Variants in ANKS1B observed in about 807,000 individuals in gnomAD.
ANKS1B encodes the protein ankyrin repeat and sterile alpha motif domain containing 1B.
Under a neutral mutation model 148.3 loss-of-function variants are expected in ANKS1B, and 36 were observed. The ratio of observed to expected loss-of-function variants is 0.24; its 90% CI spans 0.19 to 0.32. The LOEUF (loss-of-function observed/expected upper bound fraction) is 0.32, where lower values mean the gene tolerates loss of function less well. Ranked by LOEUF, ANKS1B falls within the 10% of genes least tolerant of loss-of-function variation. The probability of loss-of-function intolerance (pLI) is 1.00; values close to 1 mark genes in which losing one functional copy is unlikely to be tolerated. For synonymous variants in ANKS1B, 542 were observed against 560.8 expected (o/e 0.97, Z 0.47); for missense variants, 1,157 against 1,542.6 (o/e 0.75, Z 4.19).
In ANKS1B at chr12:99,408,505, T is replaced by C. The variant is rs1417915345; in HGVS notation, c.1576-8694A>G. Reference sequence around the variant, plus strand: ...AAGCAAAAGCGGACAAGTGAGATTATATCAAGCTAAAAACTTCTGCACAGC... The same window carrying C: ...AAGCAAAAGCGGACAAGTGAGATTACATCAAGCTAAAAACTTCTGCACAGC... On this transcript the variant is annotated intron_variant, in intron 11 of 26. Transcript: ENST00000683438. Among the ~76,000 whole-genome samples the C allele has an allele frequency of 2.1e-5, 3 of 145,560 alleles. No individual in the cohort carries two copies. The East Asian group carries it at 5.8e-4, about 28-fold the overall frequency.
Position 99,316,829 on chromosome 12 carries a change from C to T in ANKS1B, c.1757-69965G>A, listed in dbSNP as rs1468282877. Reference sequence around the variant, plus strand: ...TCTAACATTTAAGTCTTTAATCTATCTTGAATTAATTTTTGTATAAGGTGT... The same window carrying T: ...TCTAACATTTAAGTCTTTAATCTATTTTGAATTAATTTTTGTATAAGGTGT... On this transcript the variant is annotated intron_variant, in intron 12 of 26. Transcript: ENST00000683438. 2.0e-5 allele frequency among the ~76,000 whole-genome samples: 3 copies of T among 152,164 alleles called. No homozygotes were observed. The East Asian group carries it at 5.8e-4, about 29-fold the overall frequency.
chr12:98,894,984 T>TGGCGGC (rs1555478774), intron 17 of ANKS1B: 10 of 780,200 alleles, frequency 1.3e-5, no homozygotes, highest in Non-Finnish European at 1.5e-5. Flanking sequence ...GCGCCTGCCC[T>TGGCGGC]GGCGGCAGCG....
intron 24 of ANKS1B, among the ~76,000 whole-genome samples, chr12:98,775,857 G>C (rs926975722): frequency 6.6e-6 from 1 of 152,128 alleles, no homozygotes; most frequent in Non-Finnish European, 1.5e-5. Flanking sequence ...CCTTCTCCCC[G>C]ACTGTGGAAA....
chr12:99,445,084 C>A (rs1377502233), intron 10 of ANKS1B, among the ~76,000 whole-genome samples: 1 of 151,958 alleles, frequency 6.6e-6, no homozygotes, highest in Non-Finnish European at 1.5e-5. Context: ...GCACACTCTT[C>A]TAAGATTTAA....
chr12:98,778,705 TC>T (rs936465511), intron 24 of ANKS1B, among the ~76,000 whole-genome samples: 11 of 152,188 alleles, frequency 7.2e-5, no homozygotes, highest in African/African-American at 2.4e-4. Context: ...GGATCCTCCG[TC>T]CCTTCTGAAG....
chr12:99,183,199 A>C (rs535169330), intron 14 of ANKS1B, among the ~76,000 whole-genome samples: 21 of 152,360 alleles, frequency 1.4e-4, no homozygotes, highest in Non-Finnish European at 2.5e-4. Context: ...GATGACCTTC[A>C]TTCCCTAATG....
chr12:99,374,284 T>C (rs1430030976), intron 12 of ANKS1B, among the ~76,000 whole-genome samples: 1 of 152,188 alleles, frequency 6.6e-6, no homozygotes, highest in Admixed American at 6.5e-5. Flanking sequence ...TATTCCCAGT[T>C]AGAGCCACTG....
At chr12:99,643,895 T>C (rs888664736) in intron 9 of ANKS1B, among the ~76,000 whole-genome samples, 3 of 152,234 alleles carry the variant, frequency 2.0e-5, no homozygotes, top group African/African-American at 4.8e-5. Flanking sequence ...AGAAACAAGT[T>C]ATCTAGCCAT....
intron 2 of ANKS1B, among the ~76,000 whole-genome samples, chr12:99,818,838 C>T (rs2082176848): frequency 6.6e-6 from 1 of 151,722 alleles, no homozygotes; most frequent in Non-Finnish European, 1.5e-5. Context: ...TAATTCACAT[C>T]CATTTTCTGA....
At chr12:99,599,461 A>AT (rs1491561021) in intron 9 of ANKS1B, among the ~76,000 whole-genome samples, 1 of 152,076 alleles carries the variant, frequency 6.6e-6, no homozygotes, top group Non-Finnish European at 1.5e-5. Context: ...TAAAATTGAC[A>AT]TGTTTTGATT....
At chr12:99,612,161 A>C (rs1471296557) in intron 9 of ANKS1B, among the ~76,000 whole-genome samples, 1 of 152,124 alleles carries the variant, frequency 6.6e-6, no homozygotes, top group Non-Finnish European at 1.5e-5. Flanking sequence ...AAGTCATGAC[A>C]TGTACGGGTT....
intron 10 of ANKS1B, among the ~76,000 whole-genome samples, chr12:99,483,337 C>CCT (rs2096442245): frequency 6.6e-6 from 1 of 151,790 alleles, no homozygotes; most frequent in Admixed American, 6.6e-5. Flanking sequence ...TCCCTGCATC[C>CCT]CTGGGAGGAA....
intron 17 of ANKS1B, among the ~76,000 whole-genome samples, chr12:98,924,631 A>G (rs2099805759): frequency 6.6e-6 from 1 of 152,270 alleles, no homozygotes; most frequent in African/African-American, 2.4e-5. Flanking sequence ...TGTGGAACTG[A>G]TACCGTTAGT....
At chr12:99,320,946 C>T (rs558932345) in intron 12 of ANKS1B, among the ~76,000 whole-genome samples, 1 of 152,322 alleles carries the variant, frequency 6.6e-6, no homozygotes, top group African/African-American at 2.4e-5. Flanking sequence ...TGCTGCAGGT[C>T]TGTTGGAGTT....
At chr12:99,030,543 G>A (rs1410696630) in intron 17 of ANKS1B, among the ~76,000 whole-genome samples, 2 of 151,552 alleles carry the variant, frequency 1.3e-5, no homozygotes, top group African/African-American at 4.9e-5. Flanking sequence ...ATGCAGTACG[G>A]TACCTCCTCC....
intron 8 of ANKS1B, among the ~76,000 whole-genome samples, chr12:99,742,565 T>C (rs2060221694): frequency 6.6e-6 from 1 of 152,026 alleles, no homozygotes; most frequent in African/African-American, 2.4e-5. Context: ...CTGGGTGCAG[T>C]GAATCACGCC....
intron 15 of ANKS1B, among the ~76,000 whole-genome samples, chr12:99,135,543 G>A (rs535731814): frequency 3.9e-5 from 6 of 152,224 alleles, no homozygotes; most frequent in Admixed American, 3.3e-4. Context: ...AAGAAACAAC[G>A]TCAGACTCCT....
At chr12:98,966,839 T>C (rs139587584) in intron 17 of ANKS1B, among the ~76,000 whole-genome samples, 2,040 of 124,042 alleles carry the variant, frequency 0.016, 44 homozygotes, top group African/African-American at 0.061. Flanking sequence ...AATTGAACAA[T>C]GAAAACACTT....
chr12:99,385,453 A>C (rs1208979799), intron 12 of ANKS1B, among the ~76,000 whole-genome samples: 1 of 152,234 alleles, frequency 6.6e-6, no homozygotes, highest in Non-Finnish European at 1.5e-5. Flanking sequence ...TGGGCAACAG[A>C]GCGAGGCTGT....
Sources: allele counts gnomAD v4.1 joint callset (sites outside exome capture counted in the v4.1 genomes callset), GRCh38; gene constraint gnomAD v4.1.1; transcripts MANE v1.5; gene names NCBI Gene and HGNC (gene_info 2026-07-23, HGNC 2026-07-21).